The following SACS variants were observed in gnomAD, a reference collection of about 807,000 sequenced individuals.
The protein encoded by SACS is sacsin.
SACS carries 197 observed loss-of-function variants against 348.0 expected under a neutral mutation model. That is an observed-to-expected ratio of 0.57 (90% CI 0.50 to 0.64). SACS has a LOEUF of 0.64. SACS is among the 30% of genes least tolerant of loss of function. The pLI, the probability that SACS is intolerant of heterozygous loss-of-function variation, is 0.00. For synonymous variants in SACS, 1,985 were observed against 1,910.6 expected (o/e 1.04, Z -1.02); for missense variants, 4,999 against 5,360.8 (o/e 0.93, Z 2.11).
At chr13:23,411,944 G>C (rs955112424) in intron 1 of SACS, among the ~76,000 whole-genome samples, 7 of 152,162 alleles carry the variant, frequency 4.6e-5, no homozygotes, top group Admixed American at 3.9e-4. Flanking sequence ...ACCAACAAAC[G>C]CACATGTGCA....
Position 23,330,553 on chromosome 13 carries a change from A to C in SACS, c.13323T>G (p.Val4441=). The C allele has an allele frequency of 6.2e-7, 1 of 1,614,092 alleles. No homozygotes were observed. Among genetic ancestry groups the C allele is most frequent in the Non-Finnish European group, 8.5e-7 (1 of 1,179,964 alleles). ...ATCTGCGTGCTTCCACTGGATTGCC[A>C]ACCGACTTGAAAGTGGGAGGAACAA... ...RFFVPPTFKS[V]GNPVEARRWL... Residue 4441 remains valine, a synonymous_variant, in exon 10 of 10, where the codon GTT becomes GTG. Coordinates refer to ENST00000382292, the MANE Select transcript of SACS (RefSeq NM_014363.6).
intron 1 of SACS, among the ~76,000 whole-genome samples, chr13:23,430,465 T>C (rs2138027826): frequency 6.6e-6 from 1 of 152,296 alleles, no homozygotes; most frequent in African/African-American, 2.4e-5. Flanking sequence ...TTTTAGTATG[T>C]TTATGTCTTA....
intron 2 of SACS, among the ~76,000 whole-genome samples, chr13:23,395,111 G>A (rs947487668): frequency 1.6e-5 from 2 of 126,538 alleles, no homozygotes; most frequent in Non-Finnish European, 3.7e-5. Flanking sequence ...AGGGAGGCTG[G>A]GTCAGAGTCC....
chr13:23,351,838 T>C (rs1378263078), intron 9 of SACS, among the ~76,000 whole-genome samples: 1 of 152,054 alleles, frequency 6.6e-6, no homozygotes, highest in African/African-American at 2.4e-5. Flanking sequence ...AGTGTCACAA[T>C]GCCAAGAAAA....
At position 23,331,249 on chromosome 13, in the gene SACS, T is replaced by G; in HGVS notation, c.12627A>C (p.Glu4209Asp). The G allele has an allele frequency of 6.2e-7, 1 of 1,614,000 alleles. No individual in the cohort carries two copies. The highest frequency in any genetic ancestry group is 8.5e-7 in the Non-Finnish European group (1 of 1,179,884). ...AATTGTCAGCATCTTCTCTTTCAAC[T>G]TCTTGTACAATAATTGCATATGTGT... Reference protein sequence around the residue: ...PTYTYAIIVQEVEREDADNSS... With the variant: ...PTYTYAIIVQDVEREDADNSS... Residue 4209 changes from glutamate to aspartate, a missense_variant, in exon 10 of 10, where the codon GAA (glutamate) becomes GAC (aspartate). Physicochemically the swap from Glu to Asp is conservative, Grantham distance 45. Transcript: ENST00000382292.
chr13:23,349,123 G>A (rs1237256538), intron 9 of SACS, among the ~76,000 whole-genome samples: 1 of 152,328 alleles, frequency 6.6e-6, no homozygotes, highest in African/African-American at 2.4e-5. Context: ...CAGCAGGAGG[G>A]TGACATGATC....
At chr13:23,426,381 C>T (rs1874175969) in intron 1 of SACS, among the ~76,000 whole-genome samples, 1 of 152,158 alleles carries the variant, frequency 6.6e-6, no homozygotes, top group Admixed American at 6.5e-5. Context: ...TGGCCCACGC[C>T]TGTAATCCCA....
At position 23,339,371 on chromosome 13, in the gene SACS, T is replaced by C. The variant is rs1246233364; in HGVS notation, c.4505A>G (p.Asn1502Ser). Residue 1502 changes from asparagine (N) to serine (S), a missense_variant, in exon 10 of 10, where the codon AAT becomes AGT. Around this residue, in one of 6 missense-constraint regions of SACS, gnomAD observed 3,156 missense variants for 3,380.1 expected, o/e 0.93. Transcript: ENST00000382292. ...TAGGAGATTCTCTCTTATGTCCATATTTCTTCTCATATCAATCAAGAAACT... is the reference window on the plus strand; with the variant it reads ...TAGGAGATTCTCTCTTATGTCCATACTTCTTCTCATATCAATCAAGAAACT... Reference protein sequence around the residue: ...ECSFLIDMRRNMDIRENLLDP... With the variant: ...ECSFLIDMRRSMDIRENLLDP... 4 of 1,613,444 alleles carry C rather than the reference T, an allele frequency of 2.5e-6. No homozygotes were observed. The highest frequency in any genetic ancestry group is 4.5e-5 in the East Asian group (2 of 44,860).
chr13:23,333,904 T>C lies in SACS; in HGVS notation c.9972A>G (p.Leu3324=), dbSNP rs772412510. ...NAQSDKVFHA[L]MKAGCIQLAL... is the part of the protein sequence containing the mutation. ...CAAGCTGAATACAGCCAGCTTTCAT[T>C]AGAGCATGAAAAACTTTATCACTCT... is the stretch of plus-strand genomic sequence containing the variant. Residue 3324 remains leucine (L), a synonymous_variant, in exon 10 of 10, where the codon CTA becomes CTG. Transcript: ENST00000382292. 3.7e-6 allele frequency: 6 copies of C among 1,613,852 alleles called. No individual in the cohort carries two copies. The East Asian group carries it at 6.7e-5, about 18-fold the overall frequency.
chr13:23,347,044 G>A (rs1400444838), intron 9 of SACS, among the ~76,000 whole-genome samples: 2 of 152,138 alleles, frequency 1.3e-5, no homozygotes, highest in Non-Finnish European at 2.9e-5. Context: ...AAACTAAATC[G>A]AAGTACGTAA....
At chr13:23,385,141 CAA>C (rs71185074) in intron 2 of SACS, among the ~76,000 whole-genome samples, 2 of 135,150 alleles carry the variant, frequency 1.5e-5, no homozygotes, top group Non-Finnish European at 1.6e-5. Context: ...GACTCTGTCT[CAA>C]AAAAAAAAAA....
Position 23,331,984 on chromosome 13 carries a change from G to C in SACS, c.11892C>G (p.Leu3964=), listed in dbSNP as rs771924150. ...ATCGAGGTCTAAGTTTTTGAGGAAA[G>C]AGCATTATCAACTTAGTGTGAAATC... ...DHGFHTKLIM[L]FPQKLRPRLL... Residue 3964 remains leucine (L), a synonymous_variant, in exon 10 of 10, where the codon CTC becomes CTG. Transcript: ENST00000382292. The C allele has an allele frequency of 6.2e-7, 1 of 1,614,072 alleles. No homozygotes were observed. Among genetic ancestry groups the C allele is most frequent in the South Asian group, 1.1e-5 (1 of 91,068 alleles).
intron 9 of SACS, 195 bp downstream of exon 9, chr13:23,353,590 T>A (rs945325754): frequency 5.5e-6 from 3 of 541,722 alleles, no homozygotes; most frequent in Admixed American, 6.7e-5. Flanking sequence ...TTTACACTTA[T>A]CACCTCTGGA....
rs4068499 is a variant in SACS at position 23,341,780 on chromosome 13, CTTTTTTTTTTTTTTTT to C, written c.2186-106_2186-91del. 7.4e-5 allele frequency: 22 copies of C among 299,018 alleles called. 1 individual carries two copies. The East Asian group carries it at 1.7e-3, about 23-fold the overall frequency. 18.5% of individuals were successfully genotyped at this position (299,018 alleles called of 1,614,324 possible). On this transcript the variant is annotated intron_variant, in intron 9 of 9. Coordinates refer to ENST00000382292, the MANE Select transcript of SACS (RefSeq NM_014363.6). Reference sequence around the variant, plus strand: ...ACAAATAACACAGTACTGGAAGGTTCTTTTTTTTTTTTTTTTTTTTTTTTTTGACGGAGTCTTGCTC... The same window carrying C: ...ACAAATAACACAGTACTGGAAGGTTCTTTTTTTTTTGACGGAGTCTTGCTC...
Position 23,330,276 on chromosome 13 carries a change from A to G in SACS, c.13600T>C (p.Leu4534=), listed in dbSNP as rs769198115. Residue 4534 remains leucine (L), a synonymous_variant, in exon 10 of 10, where the codon TTA becomes CTA. Transcript: ENST00000382292. ...AGCAAATCAGGGTATCTTGTTTTTA[A>G]ACTGTCTACACCATAAGCTTCCAAT... ...HTLEAYGVDS[L]KTRYPDLLPF... is the part of the protein sequence containing the mutation. 6.2e-7 allele frequency: 1 copy of G among 1,614,058 alleles called. No homozygotes were observed. Among genetic ancestry groups the G allele is most frequent in the Non-Finnish European group, 8.5e-7 (1 of 1,180,028 alleles).
chr13:23,356,210 C>A (rs1312007783), intron 7 of SACS, among the ~76,000 whole-genome samples: 1 of 152,164 alleles, frequency 6.6e-6, no homozygotes, highest in Non-Finnish European at 1.5e-5. Context: ...ATAACAAATG[C>A]CAGGCATAGA....
chr13:23,376,387 C>CA (rs34834210), intron 2 of SACS, among the ~76,000 whole-genome samples: 4,025 of 139,210 alleles, frequency 0.029, 134 homozygotes, highest in African/African-American at 0.084. Context: ...ATACACATTG[C>CA]AAAAAAAAAA....
At chr13:23,350,650 C>T (rs1262641222) in intron 9 of SACS, among the ~76,000 whole-genome samples, 1 of 152,098 alleles carries the variant, frequency 6.6e-6, no homozygotes, top group Non-Finnish European at 1.5e-5. Flanking sequence ...AACAGAATTC[C>T]ATAGTGCTCT....
chr13:23,354,818 C>A lies in SACS; in HGVS notation c.1794G>T (p.Gly598=), dbSNP rs1184294805. ...KTVLNYLQSS[G]KQIAKVPGNV... is the part of the protein sequence containing the mutation. ...TCCCTGGTACCTTGGCAATCTGCTT[C>A]CCTGAGCTCTGGAGGTAGTTGAGCA... Residue 598 remains glycine (G), a synonymous_variant, in exon 8 of 10, where the codon GGG becomes GGT. Coordinates refer to ENST00000382292, the MANE Select transcript of SACS (RefSeq NM_014363.6). The A allele has an allele frequency of 6.2e-7, 1 of 1,614,114 alleles. No homozygotes were observed. Among genetic ancestry groups the A allele is most frequent in the Non-Finnish European group, 8.5e-7 (1 of 1,180,052 alleles).
Sources: gnomAD v4.1 joint callset for allele counts (sites outside exome capture counted in the v4.1 genomes callset) on GRCh38, gnomAD v4.1.1 for gene constraint, gnomAD v4.1.1 regional missense constraint, MANE v1.5 for transcripts, NCBI Gene and HGNC (gene_info 2026-07-23, HGNC 2026-07-21) for gene names.